The following PODXL variants were observed in gnomAD, a reference collection of about 807,000 sequenced individuals.
PODXL encodes podocalyxin like.
In PODXL, 20 loss-of-function variants were observed where a neutral mutation model predicts 48.9. That is an observed-to-expected ratio of 0.41 (90% confidence interval 0.29 to 0.59). PODXL has a LOEUF of 0.59. PODXL is among the 20% of genes least tolerant of loss of function. The probability of loss-of-function intolerance (pLI) is 0.31; values close to 1 mark genes in which losing one functional copy is unlikely to be tolerated. For missense variants in PODXL, 606 were observed against 675.1 expected (o/e 0.90, Z 1.13); for synonymous variants, 295 against 287.4 (o/e 1.03, Z -0.27).
At chr7:131,550,206 T>C (rs1350422694) in intron 1 of PODXL, among the ~76,000 whole-genome samples, 2 of 152,234 alleles carry the variant, frequency 1.3e-5, no homozygotes, top group East Asian at 1.9e-4. Flanking sequence ...GCACAATGCA[T>C]GGTGGCCAGT....
chr7:131,506,214 AG>A (rs773930544), intron 7 of PODXL, 45 bp downstream of exon 7: 1 of 1,600,728 alleles, frequency 6.2e-7, no homozygotes, highest in Non-Finnish European at 8.6e-7. Context: ...ACCTCCCACA[AG>A]GGGCTTCGGA....
Position 131,556,437 on chromosome 7 carries a change from G to T in PODXL, c.-78C>A. 7.7e-7 allele frequency: 1 copy of T among 1,298,356 alleles called. No homozygotes were observed. Among genetic ancestry groups the T allele is most frequent in the East Asian group, 3.0e-5 (1 of 33,104 alleles). 80.4% of individuals were successfully genotyped at this position (1,298,356 alleles called of 1,614,324 possible). On this transcript the variant is annotated 5_prime_UTR_variant, in exon 1 of 9. Transcript: ENST00000378555. ...CCGCGCGTCCGGGCGGTAGGAGCGTGGGCGCCGCCCGGGGAGGCCTGTGGG... is the reference window on the plus strand; with the variant it reads ...CCGCGCGTCCGGGCGGTAGGAGCGTTGGCGCCGCCCGGGGAGGCCTGTGGG...
chr7:131,512,994 C>CAAAAAAA lies in PODXL; in HGVS notation c.101-1568_101-1562dup, dbSNP rs60701480. On this transcript the variant is annotated intron_variant, in intron 1 of 8. Transcript: ENST00000378555. ...TGGGCGACTGAGCAAGACTCCGTCT[C>CAAAAAAA]AAAAAAAAAAAAAAAAAAAATCACA... Among the ~76,000 whole-genome samples, 81 of 95,778 alleles carry CAAAAAAA rather than the reference C, an allele frequency of 8.5e-4. 1 individual carries two copies. The highest frequency in any genetic ancestry group is 3.3e-3 in the African/African-American group (75 of 22,766). The allele number at this position is 95,778 out of a possible 152,430, so 62.8% of individuals were successfully genotyped here. A position where few individuals can be genotyped will look rare whatever the true frequency, so the allele number is the denominator to read the frequency against.
chr7:131,508,078 C>T (rs961054891), intron 5 of PODXL, among the ~76,000 whole-genome samples: 2 of 152,222 alleles, frequency 1.3e-5, no homozygotes, highest in African/African-American at 4.8e-5. Context: ...CTCCAGCACC[C>T]GCCGCGCTCG....
intron 7 of PODXL, 29 bp from the exon 8 acceptor site, chr7:131,506,064 G>A (rs1797795013): frequency 6.3e-7 from 1 of 1,599,014 alleles, no homozygotes; most frequent in Non-Finnish European, 8.5e-7. Context: ...AGAACAGGCT[G>A]GGGGCATCCT....
chr7:131,553,637 C>T (rs1467424297), intron 1 of PODXL, among the ~76,000 whole-genome samples: 1 of 152,290 alleles, frequency 6.6e-6, no homozygotes, highest in East Asian at 1.9e-4. Context: ...CTATTTTGTC[C>T]ATGGTCATGC....
At chr7:131,520,179 A>G in intron 1 of PODXL, 1 of 281,530 alleles carries the variant, frequency 3.6e-6, no homozygotes, top group East Asian at 9.7e-5. Context: ...AGGCCGTTCT[A>G]CCATCAACGA....
At chr7:131,527,071 C>T (rs1272717131) in intron 1 of PODXL, among the ~76,000 whole-genome samples, 3 of 152,134 alleles carry the variant, frequency 2.0e-5, no homozygotes, top group Admixed American at 1.3e-4. Flanking sequence ...AGGCACTTAT[C>T]CTAGGGAGAC....
At chr7:131,534,804 C>A (rs1236896163) in intron 1 of PODXL, among the ~76,000 whole-genome samples, 2 of 152,186 alleles carry the variant, frequency 1.3e-5, no homozygotes, top group African/African-American at 2.4e-5. Context: ...AATCCCAGCA[C>A]TTTGGGAAGC....
intron 1 of PODXL, among the ~76,000 whole-genome samples, chr7:131,524,375 CACACAGAGAG>C (rs1300710945): frequency 0.019 from 478 of 25,338 alleles, 2 homozygotes; most frequent in African/African-American, 0.031. Context: ...CACACACACA[CACACAGAGAG>C]AGAGAGAGAG....
chr7:131,540,499 A>AC (rs1012005628), intron 1 of PODXL, among the ~76,000 whole-genome samples: 1 of 151,254 alleles, frequency 6.6e-6, no homozygotes, highest in Admixed American at 6.6e-5. Flanking sequence ...GTCTGCACCG[A>AC]CCCGCACCCT....
intron 1 of PODXL, among the ~76,000 whole-genome samples, chr7:131,526,985 C>T (rs1280360493): frequency 6.6e-6 from 1 of 152,086 alleles, no homozygotes; most frequent in African/African-American, 2.4e-5. Flanking sequence ...GTGATCCACC[C>T]ATCTTGGCCT....
chr7:131,505,467 C>T (rs751833133), intron 8 of PODXL, among the ~76,000 whole-genome samples: 75 of 151,748 alleles, frequency 4.9e-4, no homozygotes, highest in Non-Finnish European at 1.0e-3. Flanking sequence ...GCCAACATGG[C>T]GAAACCCCAT....
At chr7:131,532,520 A>G (rs202189407) in intron 1 of PODXL, among the ~76,000 whole-genome samples, 2,042 of 148,794 alleles carry the variant, frequency 0.014, 21 homozygotes, top group South Asian at 0.034. Context: ...TTTTTTTTGG[A>G]GGGGGGGTAC....
At chr7:131,553,416 T>C (rs1643262) in intron 1 of PODXL, among the ~76,000 whole-genome samples, 11,424 of 152,192 alleles carry the variant, frequency 0.075, 1,372 homozygotes, top group African/African-American at 0.26. Context: ...CCCACAAACA[T>C]TGGCAGGATC....
intron 1 of PODXL, among the ~76,000 whole-genome samples, chr7:131,527,399 T>C (rs1347909928): frequency 6.6e-6 from 1 of 152,212 alleles, no homozygotes; most frequent in East Asian, 1.9e-4. Flanking sequence ...ACAGAAGATG[T>C]TACTAAAATT....
chr7:131,547,941 G>A (rs1490884635), intron 1 of PODXL, among the ~76,000 whole-genome samples: 2 of 152,240 alleles, frequency 1.3e-5, no homozygotes, highest in African/African-American at 4.8e-5. Flanking sequence ...GAGATGGGGA[G>A]CAGAAACACT....
chr7:131,543,969 C>T (rs938077679), intron 1 of PODXL, among the ~76,000 whole-genome samples: 3 of 152,194 alleles, frequency 2.0e-5, no homozygotes, highest in African/African-American at 7.2e-5. Flanking sequence ...ATGATGCCAG[C>T]AGTCCTGGGG....
At chr7:131,512,426 C>G (rs1256358980) in intron 1 of PODXL, among the ~76,000 whole-genome samples, 1 of 152,102 alleles carries the variant, frequency 6.6e-6, no homozygotes, top group Non-Finnish European at 1.5e-5. Context: ...AGAAAGGCAT[C>G]TCTGCGATGA....
Sources: allele counts gnomAD v4.1 joint callset (sites outside exome capture counted in the v4.1 genomes callset), GRCh38; gene constraint gnomAD v4.1.1; transcripts MANE v1.5; gene names NCBI Gene and HGNC (gene_info 2026-07-23, HGNC 2026-07-21).